PACC1: variants seen among roughly 807,000 people sequenced by gnomAD.
PACC1 encodes the protein proton activated chloride channel 1.
PACC1 carries 34 observed loss-of-function variants against 39.7 expected under a neutral mutation model. The ratio of observed to expected loss-of-function variants is 0.86; its 90% CI spans 0.65 to 1.14. The LOEUF is 1.14. PACC1 is among the 50% of genes most tolerant of loss of function. PACC1 has a pLI of 0.00. For synonymous variants in PACC1, 127 were observed against 160.6 expected (o/e 0.79, Z 1.58); for missense variants, 379 against 436.4 (o/e 0.87, Z 1.17).
At chr1:212,370,417 C>T (rs551229891) in intron 7 of PACC1, among the ~76,000 whole-genome samples, 1 of 152,206 alleles carries the variant, frequency 6.6e-6, no homozygotes, top group Non-Finnish European at 1.5e-5. Context: ...TGCAGTGAGC[C>T]GAGTTCACAC....
intron 2 of PACC1, among the ~76,000 whole-genome samples, chr1:212,393,484 G>A (rs1661402174): frequency 6.6e-6 from 1 of 152,128 alleles, no homozygotes; most frequent in Non-Finnish European, 1.5e-5. Flanking sequence ...AGAGAAAGCA[G>A]GAAAGACCTA....
At chr1:212,372,466 T>TCA (rs1660497261) in intron 7 of PACC1, among the ~76,000 whole-genome samples, 1 of 152,202 alleles carries the variant, frequency 6.6e-6, no homozygotes, top group Non-Finnish European at 1.5e-5. Flanking sequence ...TTTCATTATT[T>TCA]TTGTTCAACA....
chr1:212,389,463 T>C (rs919621695), intron 2 of PACC1, among the ~76,000 whole-genome samples: 2 of 152,180 alleles, frequency 1.3e-5, no homozygotes, highest in East Asian at 1.9e-4. Context: ...AATACCCTTC[T>C]GAAGATCATA....
intron 1 of PACC1, chr1:212,413,839 A>T: frequency 1.4e-6 from 2 of 1,469,132 alleles, no homozygotes; most frequent in Admixed American, 4.4e-5. Flanking sequence ...CGATGGTAAC[A>T]CAGTATCGCA....
Position 212,386,858 on chromosome 1 carries a change from G to C in PACC1, c.343+33C>G. ...CTGCCAGCTGACACCCTAGATCTGG[G>C]GCCCTGATGCCTGGCCCAGGGGCAG... is the stretch of plus-strand genomic sequence containing the variant. On this transcript the variant is annotated intron_variant, in intron 3 of 7. Coordinates refer to ENST00000261455, the MANE Select transcript of PACC1 (RefSeq NM_018252.3). This position sits in a 1 kb window ranked among gnomAD's most constrained non-coding sequence, Gnocchi z 5.0. 1 of 1,607,310 alleles carries C rather than the reference G, an allele frequency of 6.2e-7. No individual in the cohort carries two copies.
intron 7 of PACC1, among the ~76,000 whole-genome samples, chr1:212,370,169 A>C (rs1422360955): frequency 6.6e-6 from 1 of 152,196 alleles, no homozygotes; most frequent in East Asian, 1.9e-4. Context: ...ACTGACATTT[A>C]CAAAACATTT....
intron 4 of PACC1, among the ~76,000 whole-genome samples, chr1:212,383,166 C>G (rs3754141): frequency 0.22 from 32,880 of 152,186 alleles, 3,953 homozygotes; most frequent in South Asian, 0.45. Flanking sequence ...AACACTCAGA[C>G]TTGGGGGCAG....
intron 2 of PACC1, among the ~76,000 whole-genome samples, chr1:212,391,219 G>T (rs917172496): frequency 6.6e-6 from 1 of 152,166 alleles, no homozygotes; most frequent in African/African-American, 2.4e-5. Context: ...ATCTCACACG[G>T]CCAGGTACCC....
chr1:212,370,503 C>T (rs1660409476), intron 7 of PACC1, among the ~76,000 whole-genome samples: 1 of 152,210 alleles, frequency 6.6e-6, no homozygotes, highest in South Asian at 2.1e-4. Context: ...ACATTTTTCT[C>T]ATCAGCACAT....
Position 212,381,689 on chromosome 1 carries a change from C to CACT in PACC1, c.496-1653_496-1652insAGT, listed in dbSNP as rs1411761986. On this transcript the variant is annotated intron_variant, in intron 4 of 7. Transcript: ENST00000261455. The stretch of plus-strand genomic sequence containing the variant: ...GGGCATGTGCACAGACACACACACA[C>CACT]ACACTGCACACACACACACACACAC... Among the ~76,000 whole-genome samples the CACT allele has an allele frequency of 1.6e-3, 145 of 90,040 alleles. 1 individual carries two copies. Among genetic ancestry groups the CACT allele is most frequent in the Middle Eastern group, 7.6e-3 (1 of 132 alleles). The allele number at this position is 90,040 out of a possible 152,430, so 59.1% of individuals were successfully genotyped here.
intron 7 of PACC1, among the ~76,000 whole-genome samples, chr1:212,368,581 TAAC>T (rs1660326535): frequency 7.3e-6 from 1 of 136,614 alleles, no homozygotes; most frequent in African/African-American, 2.9e-5. Context: ...AAAGTACAAT[TAAC>T]AGACTGAAAA....
intron 5 of PACC1, 76 bp from the exon 6 acceptor site, chr1:212,377,782 C>T: frequency 6.4e-7 from 1 of 1,551,518 alleles, no homozygotes; most frequent in African/African-American, 1.4e-5. Context: ...CCACTGCAAG[C>T]TGGTTTCTTT....
chr1:212,367,772 A>T (rs1660297246), intron 7 of PACC1, among the ~76,000 whole-genome samples: 1 of 152,092 alleles, frequency 6.6e-6, no homozygotes, highest in Non-Finnish European at 1.5e-5. Context: ...CTGCCACAGC[A>T]CCAGGAAGAA....
At chr1:212,404,925 T>G (rs997973516) in intron 2 of PACC1, among the ~76,000 whole-genome samples, 1 of 152,080 alleles carries the variant, frequency 6.6e-6, no homozygotes, top group Non-Finnish European at 1.5e-5. Context: ...TCTGCCACCA[T>G]GCCCCGGCTA....
At chr1:212,414,127 G>A in intron 1 of PACC1, 3 of 1,480,594 alleles carry the variant, frequency 2.0e-6, no homozygotes, top group Non-Finnish European at 2.7e-6. Flanking sequence ...AAGTGATAAA[G>A]TCGTGGGAGG....
At chr1:212,397,747 G>A (rs1387141766) in intron 2 of PACC1, among the ~76,000 whole-genome samples, 1 of 152,194 alleles carries the variant, frequency 6.6e-6, no homozygotes, top group African/African-American at 2.4e-5. Context: ...CAGGGAGAAG[G>A]GCAGTTATCA....
chr1:212,391,261 G>C (rs1274518527), intron 2 of PACC1, among the ~76,000 whole-genome samples: 1 of 152,202 alleles, frequency 6.6e-6, no homozygotes, highest in African/African-American at 2.4e-5. Flanking sequence ...GGAACGATCA[G>C]ACAGCAACAT....
At chr1:212,368,610 T>A (rs1283910057) in intron 7 of PACC1, among the ~76,000 whole-genome samples, 1 of 151,164 alleles carries the variant, frequency 6.6e-6, no homozygotes, top group Non-Finnish European at 1.5e-5. Flanking sequence ...TCAGAGTGCC[T>A]CACAGAATTG....
At chr1:212,367,453 C>T (rs1232225751) in intron 7 of PACC1, among the ~76,000 whole-genome samples, 2 of 152,126 alleles carry the variant, frequency 1.3e-5, no homozygotes, top group African/African-American at 4.8e-5. Flanking sequence ...GGCTAGAGCC[C>T]GTGAAAAGAG....
Sources: gnomAD v4.1 joint callset for allele counts (sites outside exome capture counted in the v4.1 genomes callset) on GRCh38, gnomAD v4.1.1 for gene constraint, Gnocchi (gnomAD v3.1) non-coding constraint, MANE v1.5 for transcripts, NCBI Gene and HGNC (gene_info 2026-07-23, HGNC 2026-07-21) for gene names.